Variants in DIS3L2 observed in about 807,000 individuals in gnomAD.
The protein encoded by DIS3L2 is DIS3 like 3'-5' exoribonuclease 2.
A neutral mutation model predicts 97.5 loss-of-function variants in DIS3L2; 34 were observed. The ratio of observed to expected loss-of-function variants is 0.35; its 90% CI spans 0.27 to 0.46. DIS3L2 has a LOEUF of 0.46. DIS3L2 is among the 20% of genes least tolerant of loss of function. The probability of loss-of-function intolerance (pLI) is 1.00; values close to 1 mark genes in which losing one functional copy is unlikely to be tolerated. For missense variants in DIS3L2, 1,038 were observed against 1,146.0 expected (o/e 0.91, Z 1.36); for synonymous variants, 435 against 445.2 (o/e 0.98, Z 0.29).
Position 232,015,588 on chromosome 2 carries a change from C to T in DIS3L2, c.127C>T (p.Arg43Ter), listed in dbSNP as rs762653147. The T allele has an allele frequency of 3.1e-6, 5 of 1,613,668 alleles. No homozygotes were observed. Among genetic ancestry groups the T allele is most frequent in the Non-Finnish European group, 2.5e-6 (3 of 1,179,940 alleles). ...GDKKSKNRST[R>*]GKKKSIFETY... ...CAAAAAGTCAAAGAACAGGTCCACA[C>T]GAGGGAAGAAAAAGAGCATATTTGA... The change falls in exon 3 of 21, where the codon CGA becomes TGA. Residue 43 changes from arginine to a stop codon, truncating the protein, a stop_gained. Transcript: ENST00000325385. LOFTEE classifies it high-confidence loss of function.
At chr2:232,033,513 A>G (rs933727266) in intron 5 of DIS3L2, among the ~76,000 whole-genome samples, 2 of 152,176 alleles carry the variant, frequency 1.3e-5, no homozygotes, top group African/African-American at 4.8e-5. Flanking sequence ...ACTACGTTGA[A>G]TAGAGTGCTG....
rs145122605 is a variant in DIS3L2, at chr2:232,218,782, C to T, written c.1204+8377C>T. On this transcript the variant is annotated intron_variant, in intron 10 of 20. Coordinates refer to ENST00000325385, the MANE Select transcript of DIS3L2 (RefSeq NM_152383.5). ...TCCTCACTGTCTCCCGTCCACCTTGCTGTCTAGTTATCTTTCCTACGTGGC... is the reference window on the plus strand; with the variant it reads ...TCCTCACTGTCTCCCGTCCACCTTGTTGTCTAGTTATCTTTCCTACGTGGC... Among the ~76,000 whole-genome samples, 1,061 of 152,322 alleles carry T rather than the reference C, an allele frequency of 7.0e-3. 5 individuals are homozygous for T. Among genetic ancestry groups the T allele is most frequent in the Non-Finnish European group, 0.011 (742 of 68,024 alleles).
At chr2:232,155,044 C>G (rs1037448973) in intron 8 of DIS3L2, among the ~76,000 whole-genome samples, 4 of 150,302 alleles carry the variant, frequency 2.7e-5, no homozygotes, top group Non-Finnish European at 5.9e-5. Flanking sequence ...TGAGGCAATG[C>G]CTCGCCCTGC....
intron 1 of DIS3L2, among the ~76,000 whole-genome samples, chr2:231,993,953 C>T (rs555870115): frequency 2.0e-4 from 30 of 151,916 alleles, no homozygotes; most frequent in African/African-American, 6.3e-4. Context: ...TTCACCTAAT[C>T]GTAGGTCATG....
chr2:232,286,438 G>C (rs1405678635), intron 13 of DIS3L2, among the ~76,000 whole-genome samples: 1 of 152,180 alleles, frequency 6.6e-6, no homozygotes, highest in Non-Finnish European at 1.5e-5. Flanking sequence ...GTGTTTCCCA[G>C]ATACTGCTCA....
chr2:232,024,244 A>G, intron 3 of DIS3L2, 33 bp from the exon 4 acceptor site: 1 of 1,493,346 alleles, frequency 6.7e-7, no homozygotes, highest in African/African-American at 1.4e-5. Context: ...ATATATAGCT[A>G]GATTTTCACA....
intron 6 of DIS3L2, among the ~76,000 whole-genome samples, chr2:232,097,568 A>C (rs571316628): frequency 6.6e-6 from 1 of 152,008 alleles, no homozygotes; most frequent in East Asian, 1.9e-4. Context: ...ACCAATGTTC[A>C]CTTAAGGCCC....
chr2:232,296,565 G>A (rs1041079503), intron 13 of DIS3L2, among the ~76,000 whole-genome samples: 2 of 152,260 alleles, frequency 1.3e-5, no homozygotes, highest in East Asian at 1.9e-4. Context: ...TGCTGTTCTC[G>A]TGGTAGTGAA....
intron 5 of DIS3L2, among the ~76,000 whole-genome samples, chr2:232,058,126 C>T (rs1220934862): frequency 6.6e-6 from 1 of 152,190 alleles, no homozygotes; most frequent in Non-Finnish European, 1.5e-5. Flanking sequence ...AGTGAACTCA[C>T]CCTCTGTCCT....
intron 12 of DIS3L2, among the ~76,000 whole-genome samples, chr2:232,262,188 C>G (rs1693726147): frequency 6.6e-6 from 1 of 152,142 alleles, no homozygotes; most frequent in South Asian, 2.1e-4. Context: ...AGCAGCCCCA[C>G]CTCCCCCAAC....
intron 1 of DIS3L2, among the ~76,000 whole-genome samples, chr2:232,011,389 T>C (rs1258442655): frequency 1.3e-5 from 2 of 152,126 alleles, no homozygotes; most frequent in African/African-American, 4.8e-5. Context: ...GTTTTGTTCT[T>C]GTTGCCCAGG....
chr2:232,019,407 G>A (rs1694450362), intron 3 of DIS3L2, among the ~76,000 whole-genome samples: 1 of 151,996 alleles, frequency 6.6e-6, no homozygotes, highest in Non-Finnish European at 1.5e-5. Flanking sequence ...AATCAGCCAG[G>A]CATGGTGATG....
At chr2:232,000,686 G>GTCTTTCTC (rs1693867249) in intron 1 of DIS3L2, among the ~76,000 whole-genome samples, 1 of 40,238 alleles carries the variant, frequency 2.5e-5, no homozygotes, top group Non-Finnish European at 4.5e-5. Context: ...CTCTCTTTCT[G>GTCTTTCTC]TCTTTCTCTC....
Position 232,162,704 on chromosome 2 carries a change from C to T in DIS3L2, c.951-755C>T, listed in dbSNP as rs530130652. 2.0e-5 allele frequency among the ~76,000 whole-genome samples: 3 copies of T among 152,280 alleles called. No homozygotes were observed. In the South Asian group the frequency reaches 6.2e-4, roughly 32 times the overall value. On this transcript the variant is annotated intron_variant, in intron 8 of 20. Coordinates refer to ENST00000325385, the MANE Select transcript of DIS3L2 (RefSeq NM_152383.5). ...ACCCTCTACAAAGGCAGCCAAGGCC[C>T]ATAACACATTTCCTGTTGGCTGCCT...
chr2:232,336,275 G>A, intron 20 of DIS3L2, 194 bp from the exon 21 acceptor site: 1 of 1,546,242 alleles, frequency 6.5e-7, no homozygotes, highest in Non-Finnish European at 8.7e-7. Context: ...GAGCGCTCAG[G>A]ATGCATCTGA....
At chr2:232,083,938 T>C (rs1043517700) in intron 5 of DIS3L2, among the ~76,000 whole-genome samples, 2 of 152,198 alleles carry the variant, frequency 1.3e-5, no homozygotes, top group Non-Finnish European at 2.9e-5. Context: ...AGATTGTATA[T>C]AGCCACCATG....
At chr2:232,256,278 G>A (rs1254810690) in intron 12 of DIS3L2, among the ~76,000 whole-genome samples, 1 of 152,242 alleles carries the variant, frequency 6.6e-6, no homozygotes, top group African/African-American at 2.4e-5. Context: ...GCTCACAGGA[G>A]AGAAGCTGCC....
At chr2:232,338,665 C>G (rs1169598544), downstream of DIS3L2, among the ~76,000 whole-genome samples, 2 of 148,102 alleles carry the variant, frequency 1.4e-5, no homozygotes, top group Non-Finnish European at 2.9e-5. Flanking sequence ...GGCAGCCCAG[C>G]CTTCTCCCCA....
chr2:231,980,067 T>G (rs1292280622), intron 1 of DIS3L2, among the ~76,000 whole-genome samples: 1 of 152,214 alleles, frequency 6.6e-6, no homozygotes, highest in African/African-American at 2.4e-5. Context: ...CATAATCTTT[T>G]AATTACTAGT....
Sources: allele counts gnomAD v4.1 joint callset (sites outside exome capture counted in the v4.1 genomes callset), GRCh38; gene constraint gnomAD v4.1.1; transcripts MANE v1.5; gene names NCBI Gene and HGNC (gene_info 2026-07-23, HGNC 2026-07-21).